The following KLF17 variants were observed in gnomAD, a reference collection of about 807,000 sequenced individuals.
The protein encoded by KLF17 is KLF transcription factor 17, also known as Krueppel-like factor 17.
KLF17 carries 31 observed loss-of-function variants against 34.2 expected under a neutral mutation model. The observed-to-expected ratio is 0.91, with a 90% CI of 0.68 to 1.22. The LOEUF (loss-of-function observed/expected upper bound fraction) is 1.22, where lower values mean the gene tolerates loss of function less well. KLF17 is among the 50% of genes most tolerant of loss of function. The pLI is 0.00. For missense variants in KLF17, 478 were observed against 505.2 expected (o/e 0.95, Z 0.52); for synonymous variants, 179 against 186.7 (o/e 0.96, Z 0.34).
chr1:44,082,088 G>T, the KLF17 span, among the ~76,000 whole-genome samples: 2 of 152,098 alleles, frequency 1.3e-5, no homozygotes, highest in South Asian at 4.1e-4. Flanking sequence ...CCATAATTTT[G>T]CTTAGGGGAG....
chr1:44,125,372 A>G (rs948508803), intron 1 of KLF17, among the ~76,000 whole-genome samples: 6 of 152,194 alleles, frequency 3.9e-5, no homozygotes, highest in Non-Finnish European at 7.3e-5. Flanking sequence ...TTAGTGTCCA[A>G]GGTTTTTGAT....
chr1:44,116,402 T>TC (rs2087879813), upstream of KLF17, among the ~76,000 whole-genome samples: 1 of 152,242 alleles, frequency 6.6e-6, no homozygotes, highest in Non-Finnish European at 1.5e-5. Context: ...TCTTGATTCA[T>TC]CCATGACTTT....
chr1:44,075,214 G>A, the KLF17 span, among the ~76,000 whole-genome samples: 2 of 151,934 alleles, frequency 1.3e-5, no homozygotes, highest in Non-Finnish European at 2.9e-5. Flanking sequence ...AATTCCTCAT[G>A]TAACTTTGTT....
chr1:44,125,855 A>G (rs1189537236), intron 1 of KLF17, among the ~76,000 whole-genome samples: 2 of 151,988 alleles, frequency 1.3e-5, no homozygotes, highest in Non-Finnish European at 2.9e-5. Flanking sequence ...ATTTGTATTC[A>G]TATCTGGAAG....
the KLF17 span, among the ~76,000 whole-genome samples, chr1:44,100,800 G>A: frequency 2.6e-5 from 4 of 152,166 alleles, no homozygotes; most frequent in African/African-American, 4.8e-5. Flanking sequence ...GATTACAGGT[G>A]TGAGCCACCA....
At chr1:44,125,559 C>A (rs1163244244) in intron 1 of KLF17, among the ~76,000 whole-genome samples, 2 of 152,202 alleles carry the variant, frequency 1.3e-5, no homozygotes, top group Admixed American at 1.3e-4. Flanking sequence ...ACTCTGTCTC[C>A]TGGATTCAAG....
the KLF17 span, among the ~76,000 whole-genome samples, chr1:44,045,797 A>G: frequency 6.6e-6 from 1 of 152,106 alleles, no homozygotes; most frequent in Non-Finnish European, 1.5e-5. Context: ...ATTTGACCCC[A>G]GTTTAGCCCT....
intron 1 of KLF17, among the ~76,000 whole-genome samples, chr1:44,128,479 T>C (rs1215744749): frequency 1.3e-5 from 2 of 152,158 alleles, no homozygotes; most frequent in Non-Finnish European, 2.9e-5. Context: ...ACAACCCCCA[T>C]CCCTTTTTTT....
the KLF17 span, among the ~76,000 whole-genome samples, chr1:44,084,484 C>A: frequency 1.3e-5 from 2 of 151,606 alleles, no homozygotes; most frequent in African/African-American, 4.8e-5. Flanking sequence ...TTGAGGCCAG[C>A]CTGGCCTCAA....
chr1:44,095,827 G>A, the KLF17 span, among the ~76,000 whole-genome samples: 1 of 147,916 alleles, frequency 6.8e-6, no homozygotes, highest in African/African-American at 2.5e-5. Context: ...TTTTCATATT[G>A]TTCAGCTGTT....
the KLF17 span, among the ~76,000 whole-genome samples, chr1:44,047,191 TAGTC>T: frequency 6.6e-6 from 1 of 152,352 alleles, no homozygotes; most frequent in South Asian, 2.1e-4. Flanking sequence ...AATGTTGTAT[TAGTC>T]AGTAAGCTTT....
chr1:44,055,675 T>C, the KLF17 span, among the ~76,000 whole-genome samples: 3 of 152,164 alleles, frequency 2.0e-5, no homozygotes, highest in African/African-American at 7.2e-5. Context: ...CTAGAGCTGT[T>C]AGTGTACCCC....
chr1:44,045,389 ACT>A, the KLF17 span: 1 of 151,950 alleles, frequency 6.6e-6, no homozygotes, highest in African/African-American at 2.4e-5. Context: ...TGGACAGCAC[ACT>A]CTGCTGATTC....
In KLF17 at chr1:44,135,087, G is replaced by C. The variant is rs1215513766; in HGVS notation, c.*1850G>C. Reference sequence around the variant, plus strand: ...AATCCTTAGGATAACTTGAGGCCAGGAGTTTGAGACCAGTGTGACCTTGTC... The same window carrying C: ...AATCCTTAGGATAACTTGAGGCCAGCAGTTTGAGACCAGTGTGACCTTGTC... On this transcript the variant is annotated 3_prime_UTR_variant, in exon 4 of 4. Transcript: ENST00000372299. 6.6e-6 allele frequency: 1 copy of C among 152,068 alleles called. No individual in the cohort carries two copies. Among genetic ancestry groups the C allele is most frequent in the East Asian group, 1.9e-4 (1 of 5,198 alleles). 9.4% of individuals were successfully genotyped at this position (152,068 alleles called of 1,614,324 possible).
At chr1:44,064,527 T>C in the KLF17 span, among the ~76,000 whole-genome samples, 1 of 152,248 alleles carries the variant, frequency 6.6e-6, no homozygotes, top group African/African-American at 2.4e-5. Flanking sequence ...ACTATGACTT[T>C]GGCTCTAGCC....
At chr1:44,054,856 T>C in the KLF17 span, among the ~76,000 whole-genome samples, 1 of 148,506 alleles carries the variant, frequency 6.7e-6, no homozygotes, top group African/African-American at 2.5e-5. Context: ...CTTGGCTTAC[T>C]GCAACCTCTG....
the KLF17 span, chr1:44,088,580 G>A: frequency 4.6e-5 from 7 of 152,204 alleles, no homozygotes; most frequent in Admixed American, 6.5e-5. Context: ...TGATTTCTTC[G>A]TGTTCTTATA....
chr1:44,045,546 C>G, the KLF17 span, among the ~76,000 whole-genome samples: 2 of 152,182 alleles, frequency 1.3e-5, no homozygotes, highest in Non-Finnish European at 2.9e-5. Context: ...ATCATGACAT[C>G]ATGTTTGGGG....
chr1:44,097,526 C>T, the KLF17 span, among the ~76,000 whole-genome samples: 13 of 152,050 alleles, frequency 8.5e-5, no homozygotes, highest in African/African-American at 3.1e-4. Context: ...ACCACCATGG[C>T]ACGTGTATAC....
Sources: allele counts gnomAD v4.1 joint callset (sites outside exome capture counted in the v4.1 genomes callset), GRCh38; gene constraint gnomAD v4.1.1; transcripts MANE v1.5; gene names NCBI Gene and HGNC (gene_info 2026-07-23, HGNC 2026-07-21).